MCM2: variants seen among roughly 807,000 people sequenced by gnomAD.
The protein encoded by MCM2 is DNA replication licensing factor MCM2.
In MCM2, 49 loss-of-function variants were observed where a neutral mutation model predicts 86.4. The observed-to-expected ratio is 0.57, with a 90% CI of 0.45 to 0.72. MCM2 has a LOEUF of 0.72. Among genes scored for constraint, MCM2 ranks in the 30% least tolerant of loss-of-function variants. MCM2 has a pLI of 0.00. For synonymous variants in MCM2, 475 were observed against 484.6 expected, an observed-to-expected ratio of 0.98 and a Z score of 0.26; for missense variants, 1,038 against 1,259.9, an observed-to-expected ratio of 0.82 and a Z score of 2.67.
intron 1 of MCM2, among the ~76,000 whole-genome samples, chr3:127,598,703 T>G (rs1029883796): frequency 2.1e-4 from 32 of 152,122 alleles, no homozygotes; most frequent in Non-Finnish European, 3.5e-4. Context: ...GCCTCTGTCC[T>G]TTATTCACCC....
chr3:127,604,826 G>GA, intron 3 of MCM2, 43 bp downstream of exon 3: 1 of 1,572,888 alleles, frequency 6.4e-7, no homozygotes, highest in South Asian at 1.1e-5. Context: ...GGGAAGCTGG[G>GA]AAGGAGTCTG....
Position 127,605,088 on chromosome 3 carries a change from TC to T in MCM2, c.607del (p.Leu203CysfsTer30), listed in dbSNP as rs770713024. ...GAGATCCACCACCGCTTCAAGAACT[TC>T]CTGCGCACTCACGTCGACAGCCACG... ...RLEIHHRFKN[F>X]LRTHVDSHGH... On this transcript the variant is annotated frameshift_variant, in exon 4 of 16. Transcript: ENST00000265056. LOFTEE classifies it high-confidence loss of function. The T allele has an allele frequency of 8.7e-6, 14 of 1,613,822 alleles. No homozygotes were observed. The highest frequency in any genetic ancestry group is 1.3e-5 in the African/African-American group (1 of 74,870).
In MCM2 at chr3:127,620,871, C is replaced by T. The variant is rs755267976; in HGVS notation, c.2439C>T (p.Ser813=). Residue 813 remains serine (S), a synonymous_variant, in exon 14 of 16, where the codon AGC becomes AGT. Coordinates refer to ENST00000265056, the MANE Select transcript of MCM2 (RefSeq NM_004526.4). ...CACAGAAGTTCAGCGTCATGCGCAG[C>T]ATGCGCAAGGTGGGTGTGCTCCGAG... ...IDTQKFSVMR[S]MRKTFARYLS... The T allele has an allele frequency of 1.2e-6, 2 of 1,606,272 alleles. No homozygotes were observed. Among genetic ancestry groups the T allele is most frequent in the East Asian group, 2.2e-5 (1 of 44,676 alleles).
chr3:127,599,149 G>A, intron 1 of MCM2, 169 bp from the exon 2 acceptor site: 1 of 670,764 alleles, frequency 1.5e-6, no homozygotes, highest in South Asian at 1.8e-5. Flanking sequence ...AGCATTCCAG[G>A]TGAGAGAACA....
rs1379793473 is a variant in MCM2 at position 127,622,099 on chromosome 3, T to G, written c.*326T>G. The G allele has an allele frequency of 5.0e-6, 1 of 200,800 alleles. No homozygotes were observed. The highest frequency in any genetic ancestry group is 6.0e-5 in the Admixed American group (1 of 16,616). 12.4% of individuals were successfully genotyped at this position (200,800 alleles called of 1,614,324 possible). On this transcript the variant is annotated 3_prime_UTR_variant, in exon 16 of 16. Transcript: ENST00000265056. ...CCTGCGTGTGGTTTAGGTGTTAGCC[T>G]TCTTACATGGATGTCAGGAGAGCTG...
Position 127,606,260 on chromosome 3 carries a change from C to G in MCM2, c.816C>G (p.Pro272=), listed in dbSNP as rs776301851. The G allele has an allele frequency of 1.2e-6, 2 of 1,614,240 alleles. No individual in the cohort carries two copies. Among genetic ancestry groups the G allele is most frequent in the African/African-American group, 2.7e-5 (2 of 75,068 alleles). ...TGGAGGTGGTACTGGCCATGTACCC[C>G]AAGTACGACCGCATCACCAACCACA... ...AALEVVLAMY[P]KYDRITNHIH... The change falls in exon 5 of 16, where the codon CCC becomes CCG. Residue 272 remains proline (P), a synonymous_variant. Transcript: ENST00000265056. The surrounding 1 kb of genome is among the most constrained non-coding windows in gnomAD (Gnocchi z 4.2).
rs1384469670 is a variant in MCM2, at chr3:127,604,956, CGGAGGACGGCGA to C, written c.482_493del (p.Gly161_Asp164del). On this transcript the variant is annotated inframe_deletion, in exon 4 of 16. Transcript: ENST00000265056. ...AAGCGCCGCCAGGTGGAGCGGGCCACGGAGGACGGCGAGGAGGACGAGGAGATGATCGAGAGC... is the reference window on the plus strand; with the variant it reads ...AAGCGCCGCCAGGTGGAGCGGGCCACGGAGGACGAGGAGATGATCGAGAGC... 6.2e-7 allele frequency: 1 copy of C among 1,606,256 alleles called. No individual in the cohort carries two copies. Among genetic ancestry groups the C allele is most frequent in the Non-Finnish European group, 8.5e-7 (1 of 1,173,512 alleles).
At chr3:127,609,807 C>A (rs994024000) in intron 8 of MCM2, among the ~76,000 whole-genome samples, 1 of 149,200 alleles carries the variant, frequency 6.7e-6, no homozygotes, top group African/African-American at 2.5e-5. Context: ...CCTTTCTCTT[C>A]CTTCCTTCCT....
At chr3:127,619,872 A>G (rs2107696586) in intron 13 of MCM2, among the ~76,000 whole-genome samples, 1 of 151,818 alleles carries the variant, frequency 6.6e-6, no homozygotes, top group African/African-American at 2.4e-5. Flanking sequence ...AGTCCCAGCT[A>G]CTCAGGAAGC....
rs376053289 is a variant in MCM2 at position 127,618,722 on chromosome 3, A to C, written c.2014-305A>C. On this transcript the variant is annotated intron_variant, in intron 12 of 15. Coordinates refer to ENST00000265056, the MANE Select transcript of MCM2 (RefSeq NM_004526.4). The surrounding 1 kb of genome is among the most constrained non-coding windows in gnomAD (Gnocchi z 4.0). ...GGGAGGGGCTTTGCCGGGCACCCTT[A>C]GCTAGAGGCATCTCCTTGGTCCCTT... 1.1e-3 allele frequency among the ~76,000 whole-genome samples: 165 copies of C among 152,254 alleles called. No homozygotes were observed. Among genetic ancestry groups the C allele is most frequent in the African/African-American group, 3.7e-3 (155 of 41,556 alleles).
At position 127,608,900 on chromosome 3, in the gene MCM2, T is replaced by C. The variant is rs778180034; in HGVS notation, c.1305T>C (p.Phe435=). ...SLNTANGFPV[F]ATVILANHVA... is the part of the protein sequence containing the mutation. The stretch of plus-strand genomic sequence containing the variant: ...ACACTGCCAATGGCTTCCCTGTCTT[T>C]GCCACTGTCATCCTAGCCAACCACG... Residue 435 remains phenylalanine, a synonymous_variant, in exon 8 of 16, where the codon TTT becomes TTC. Coordinates refer to ENST00000265056, the MANE Select transcript of MCM2 (RefSeq NM_004526.4). The C allele has an allele frequency of 1.2e-6, 2 of 1,614,186 alleles. No individual in the cohort carries two copies. Among genetic ancestry groups the C allele is most frequent in the Non-Finnish European group, 1.7e-6 (2 of 1,180,040 alleles).
chr3:127,615,075 C>G (rs1228678909), intron 8 of MCM2, among the ~76,000 whole-genome samples: 1 of 152,218 alleles, frequency 6.6e-6, no homozygotes, highest in African/African-American at 2.4e-5. Flanking sequence ...CCTCCACCTT[C>G]AGGGCTGGTT....
Position 127,619,098 on chromosome 3 carries a change from G to T in MCM2, c.2085G>T (p.Gly695=), listed in dbSNP as rs760516804. 1.2e-6 allele frequency: 2 copies of T among 1,613,388 alleles called. No individual in the cohort carries two copies. The highest frequency in any genetic ancestry group is 3.3e-5 in the Admixed American group (2 of 59,984). Residue 695 remains glycine (G), a synonymous_variant, in exon 13 of 16, where the codon GGG becomes GGT. Coordinates refer to ENST00000265056, the MANE Select transcript of MCM2 (RefSeq NM_004526.4). The part of the protein sequence containing the change: ...RHHPSNKEEE[G]LANGSAAEPA... ...ACCCCAGCAACAAGGAGGAGGAGGG[G>T]CTGGCCAATGGCAGCGCTGCTGAGC... is the stretch of plus-strand genomic sequence containing the variant.
chr3:127,600,496 T>A (rs1412174297), intron 2 of MCM2, among the ~76,000 whole-genome samples: 1 of 152,174 alleles, frequency 6.6e-6, no homozygotes, highest in Non-Finnish European at 1.5e-5. Flanking sequence ...GTGAGAGTAC[T>A]GTGCAGGGCA....
rs748268345 is a variant in MCM2, at chr3:127,621,777, C to T, written c.*4C>T. The stretch of plus-strand genomic sequence containing the variant: ...AATGATCCTGCAGCAGTTCTGAGGC[C>T]CTATGCCATCCATAAGGATTCCTTG... On this transcript the variant is annotated 3_prime_UTR_variant, in exon 16 of 16. Coordinates refer to ENST00000265056, the MANE Select transcript of MCM2 (RefSeq NM_004526.4). The T allele has an allele frequency of 1.9e-6, 3 of 1,608,820 alleles. No individual in the cohort carries two copies. The highest frequency in any genetic ancestry group is 2.6e-6 in the Non-Finnish European group (3 of 1,175,746).
chr3:127,605,292 T>G (rs2107687796), intron 4 of MCM2, 136 bp downstream of exon 4: 1 of 1,192,076 alleles, frequency 8.4e-7, no homozygotes, highest in Non-Finnish European at 1.2e-6. Flanking sequence ...CCAAAAGTTT[T>G]GAGTTTTGCA....
At chr3:127,621,591 T>C in intron 15 of MCM2, 72 bp from the exon 16 acceptor site, 1 of 988,444 alleles carries the variant, frequency 1.0e-6, no homozygotes, top group Non-Finnish European at 1.6e-6. Context: ...GAAAGTGCAC[T>C]GTAACTGGGG....
chr3:127,610,450 C>A (rs2074386071), intron 8 of MCM2, among the ~76,000 whole-genome samples: 1 of 152,176 alleles, frequency 6.6e-6, no homozygotes, highest in African/African-American at 2.4e-5. Context: ...TCTCCATCCA[C>A]CTTCCCCTGA....
intron 2 of MCM2, among the ~76,000 whole-genome samples, chr3:127,603,807 A>T (rs1282035307): frequency 6.6e-6 from 1 of 152,198 alleles, no homozygotes; most frequent in African/African-American, 2.4e-5. Flanking sequence ...GACTAGAGGC[A>T]CATGACACTA....
Sources: allele counts gnomAD v4.1 joint callset (sites outside exome capture counted in the v4.1 genomes callset), GRCh38; gene constraint gnomAD v4.1.1; non-coding constraint Gnocchi (gnomAD v3.1); transcripts MANE v1.5; gene names NCBI Gene and HGNC (gene_info 2026-07-23, HGNC 2026-07-21).